Variants in KLRD1 observed in about 807,000 individuals in gnomAD.
The protein encoded by KLRD1 is killer cell lectin like receptor D1.
A neutral mutation model predicts 22.6 loss-of-function variants in KLRD1; 21 were observed. The ratio of observed to expected loss-of-function variants is 0.93; its 90% CI spans 0.66 to 1.34. The LOEUF (loss-of-function observed/expected upper bound fraction) is 1.34, where lower values mean the gene tolerates loss of function less well. Ranked by LOEUF, KLRD1 falls within the 40% of genes most tolerant of loss-of-function variation. KLRD1 has a pLI of 0.00. For synonymous variants in KLRD1, 59 were observed against 71.1 expected, an observed-to-expected ratio of 0.83 and a Z score of 0.85; for missense variants, 183 against 208.6, an observed-to-expected ratio of 0.88 and a Z score of 0.76.
chr12:10,311,959 T>C (rs1342416665), intron 4 of KLRD1, among the ~76,000 whole-genome samples: 2 of 152,054 alleles, frequency 1.3e-5, no homozygotes, highest in Non-Finnish European at 2.9e-5. Flanking sequence ...GAATTTATAA[T>C]ATCTTTTATA....
In KLRD1 at chr12:10,314,865, A is replaced by G. The variant is rs1950186895; in HGVS notation, c.*72A>G. ...TAACAATGATACAGTTGCATGTTAT[A>G]TTATTACTAATTGTCTACTTCTGGA... On this transcript the variant is annotated 3_prime_UTR_variant, in exon 6 of 6. Transcript: ENST00000336164. 9 of 1,338,996 alleles carry G rather than the reference A, an allele frequency of 6.7e-6. No individual in the cohort carries two copies. In the East Asian group the frequency reaches 2.2e-4, roughly 33 times the overall value. 82.9% of individuals were successfully genotyped at this position (1,338,996 alleles called of 1,614,324 possible). A position where few individuals can be genotyped will look rare whatever the true frequency, so the allele number is the denominator to read the frequency against.
chr12:10,278,528 A>G (rs903551398), intron 1 of KLRD1, among the ~76,000 whole-genome samples: 1 of 152,164 alleles, frequency 6.6e-6, no homozygotes, highest in Non-Finnish European at 1.5e-5. Flanking sequence ...TGGTCCACAT[A>G]TTATGAATTC....
At chr12:10,252,398 G>A (rs1466018322) in intron 1 of KLRD1, among the ~76,000 whole-genome samples, 1 of 152,096 alleles carries the variant, frequency 6.6e-6, no homozygotes, top group Admixed American at 6.6e-5. Context: ...CAGCTGCTTG[G>A]GAAGCTGAGG....
intron 1 of KLRD1, among the ~76,000 whole-genome samples, chr12:10,280,540 C>T (rs941713954): frequency 1.3e-5 from 2 of 152,054 alleles, no homozygotes; most frequent in South Asian, 2.1e-4. Context: ...CGTGCTCCAT[C>T]GTTGAGTATC....
chr12:10,301,580 C>A (rs1220585269), upstream of KLRD1, among the ~76,000 whole-genome samples: 1 of 152,200 alleles, frequency 6.6e-6, no homozygotes, highest in East Asian at 1.9e-4. Flanking sequence ...TAAACTCTTT[C>A]TCTGCTGCAA....
At chr12:10,267,208 A>C (rs535702419) in intron 1 of KLRD1, among the ~76,000 whole-genome samples, 2 of 151,972 alleles carry the variant, frequency 1.3e-5, no homozygotes, top group Non-Finnish European at 2.9e-5. Flanking sequence ...CTGATTTATC[A>C]TGAAAATACA....
Position 10,320,878 on chromosome 12 carries a change from T to C in KLRD1, c.*6085T>C, listed in dbSNP as rs1950305910. The C allele has an allele frequency of 6.6e-6, 1 of 152,148 alleles. No individual in the cohort carries two copies. The highest frequency in any genetic ancestry group is 1.5e-5 in the Non-Finnish European group (1 of 68,012). The allele number at this position is 152,148 out of a possible 1,614,324, so 9.4% of individuals were successfully genotyped here. On this transcript the variant is annotated 3_prime_UTR_variant, in exon 6 of 6. Coordinates refer to ENST00000336164, the MANE Select transcript of KLRD1 (RefSeq NM_002262.5). ...GCCCCAGGGTATTGTCCCTCAGGTA[T>C]CTCAGCAGAAGCTCCAGGTAGAGAG... is the stretch of plus-strand genomic sequence containing the variant.
At chr12:10,304,772 C>T (rs953648337), upstream of KLRD1, among the ~76,000 whole-genome samples, 4 of 152,194 alleles carry the variant, frequency 2.6e-5, no homozygotes, top group South Asian at 6.2e-4. Flanking sequence ...CTGCTAAAAT[C>T]ATTCCATTGA....
upstream of KLRD1, among the ~76,000 whole-genome samples, chr12:10,304,974 C>T (rs1484799094): frequency 6.6e-6 from 1 of 152,146 alleles, no homozygotes; most frequent in Non-Finnish European, 1.5e-5. Flanking sequence ...TCAAAGAATG[C>T]ATTTTCTAAA....
At chr12:10,272,820 CT>C (rs1342044567) in intron 1 of KLRD1, among the ~76,000 whole-genome samples, 1 of 152,152 alleles carries the variant, frequency 6.6e-6, no homozygotes, top group African/African-American at 2.4e-5. Flanking sequence ...TGATGAACCA[CT>C]TTTTTATTTC....
chr12:10,314,642 G>GTA (rs1950180994), intron 5 of KLRD1, 31 bp from the exon 6 acceptor site: 1 of 1,513,870 alleles, frequency 6.6e-7, no homozygotes, highest in Non-Finnish European at 8.8e-7. Flanking sequence ...CTTCCTTTTT[G>GTA]TGTATGTGAA....
intron 4 of KLRD1, 166 bp downstream of exon 4, chr12:10,311,781 T>TA (rs1950077928): frequency 3.8e-6 from 2 of 521,712 alleles, no homozygotes; most frequent in South Asian, 8.4e-5. Context: ...TGTAAAATCT[T>TA]TATTAAATTC....
chr12:10,259,038 A>G (rs1949424647), intron 1 of KLRD1, among the ~76,000 whole-genome samples: 1 of 152,122 alleles, frequency 6.6e-6, no homozygotes, highest in Non-Finnish European at 1.5e-5. Flanking sequence ...ACACTAGGAA[A>G]CTGTGATTCC....
At chr12:10,277,360 T>C (rs1250293427) in intron 1 of KLRD1, among the ~76,000 whole-genome samples, 1 of 152,148 alleles carries the variant, frequency 6.6e-6, no homozygotes. Flanking sequence ...AACTCCCTAT[T>C]TGATAGTCAT....
In KLRD1 at chr12:10,242,004, T is replaced by G. The variant is rs371877522; in HGVS notation, c.-101+15771T>G. ...TTCTTATAGGTCATTCGATTCCTCT[T>G]GTTGAACTGGAGAAACTTCTCCCAT... is the stretch of plus-strand genomic sequence containing the variant. On this transcript the variant is annotated intron_variant, in intron 1 of 5. Coordinates refer to the KLRD1 transcript ENST00000544747. Among the ~76,000 whole-genome samples, 22 of 151,300 alleles carry G rather than the reference T, an allele frequency of 1.5e-4. 1 individual carries two copies. The highest frequency in any genetic ancestry group is 9.9e-4 in the Admixed American group (15 of 15,092).
chr12:10,246,606 T>C (rs1949293509), intron 1 of KLRD1, among the ~76,000 whole-genome samples: 1 of 152,290 alleles, frequency 6.6e-6, no homozygotes, highest in African/African-American at 2.4e-5. Flanking sequence ...TACAATATTA[T>C]TCTATGGATA....
At chr12:10,244,340 C>G (rs1949271061) in intron 1 of KLRD1, among the ~76,000 whole-genome samples, 1 of 152,128 alleles carries the variant, frequency 6.6e-6, no homozygotes, top group Admixed American at 6.5e-5. Context: ...CGCTACCCAC[C>G]AGGCTCAAGG....
chr12:10,242,274 G>GT (rs1345870056), intron 1 of KLRD1, among the ~76,000 whole-genome samples: 1 of 151,962 alleles, frequency 6.6e-6, no homozygotes, highest in Admixed American at 6.6e-5. Context: ...TTTTACTAAT[G>GT]TGGGATACAT....
chr12:10,274,660 A>G (rs1427002142), intron 1 of KLRD1, among the ~76,000 whole-genome samples: 2 of 152,144 alleles, frequency 1.3e-5, no homozygotes, highest in African/African-American at 2.4e-5. Context: ...ATGTCATTCA[A>G]TTCATTAATT....
Sources: gnomAD v4.1 joint callset for allele counts (sites outside exome capture counted in the v4.1 genomes callset) on GRCh38, gnomAD v4.1.1 for gene constraint, MANE v1.5 for transcripts, NCBI Gene and HGNC (gene_info 2026-07-23, HGNC 2026-07-21) for gene names.